Variants in KLHL12 observed in about 807,000 individuals in gnomAD.
The protein encoded by KLHL12 is kelch like family member 12.
Under a neutral mutation model 60.8 loss-of-function variants are expected in KLHL12, and 17 were observed. The ratio of observed to expected loss-of-function variants is 0.28; its 90% CI spans 0.19 to 0.42. The LOEUF (loss-of-function observed/expected upper bound fraction) is 0.42. Ranked by LOEUF, KLHL12 falls within the 10% of genes least tolerant of loss-of-function variation. The pLI is 1.00. For missense variants in KLHL12, 468 were observed against 722.3 expected, an observed-to-expected ratio of 0.65 and a Z score of 4.04; for synonymous variants, 220 against 250.9, an observed-to-expected ratio of 0.88 and a Z score of 1.16.
chr1:202,928,286 A>AAC, upstream of KLHL12, among the ~76,000 whole-genome samples: 1 of 150,716 alleles, frequency 6.6e-6, no homozygotes, highest in African/African-American at 2.4e-5. Flanking sequence ...AAAAAAAAAA[A>AAC]AAGAAAAAAG....
At chr1:202,922,864 AAG>A (rs556064563) in intron 2 of KLHL12, among the ~76,000 whole-genome samples, 2 of 151,574 alleles carry the variant, frequency 1.3e-5, no homozygotes, top group Admixed American at 6.6e-5. Context: ...GGAAAAAAAA[AAG>A]AGAGAGAGAG....
At chr1:202,900,996 A>G (rs1303660760) in intron 6 of KLHL12, among the ~76,000 whole-genome samples, 1 of 152,142 alleles carries the variant, frequency 6.6e-6, no homozygotes, top group Admixed American at 6.6e-5. Context: ...CAGTGAGCCG[A>G]GATCATGCCG....
chr1:202,928,285 A>AG (rs1214531226), upstream of KLHL12, among the ~76,000 whole-genome samples: 1 of 150,132 alleles, frequency 6.7e-6, no homozygotes, highest in African/African-American at 2.4e-5. Context: ...AAAAAAAAAA[A>AG]AAAGAAAAAA....
Position 202,892,635 on chromosome 1 carries a change from A to C in KLHL12, c.1605T>G (p.Ser535Arg). The C allele has an allele frequency of 6.2e-7, 1 of 1,614,086 alleles. No individual in the cohort carries two copies. Residue 535 changes from serine (S) to arginine (R), a missense_variant, in exon 12 of 12, where the codon AGT becomes AGG. Physicochemically the swap from Ser to Arg is moderately radical, Grantham distance 110 (BLOSUM62 -1). This residue lies in a region of KLHL12 where 68 missense variants were observed against 119.8 expected (regional missense o/e 0.57). Coordinates refer to ENST00000367261, the MANE Select transcript of KLHL12 (RefSeq NM_021633.4). ...IAGYDGNSLL[S>R]SIECYDPIID... is the part of the protein sequence containing the mutation. ...TGATAGGGTCATAACATTCAATGCT[A>C]CTTAGCAGGGAATTACCATCATATC...
intron 2 of KLHL12, among the ~76,000 whole-genome samples, chr1:202,923,356 TGG>T (rs1460803606): frequency 6.6e-6 from 1 of 152,204 alleles, no homozygotes; most frequent in Non-Finnish European, 1.5e-5. Flanking sequence ...CTGATGATCT[TGG>T]GTATATCTCA....
At position 202,891,910 on chromosome 1, in the gene KLHL12, C is replaced by T. The variant is rs544246790; in HGVS notation, c.*623G>A. On this transcript the variant is annotated 3_prime_UTR_variant, in exon 12 of 12. Coordinates refer to ENST00000367261, the MANE Select transcript of KLHL12 (RefSeq NM_021633.4). Reference sequence around the variant, plus strand: ...TCACAATCAAATTCAGTTTAATTCACTTAATTCTAACTTCAATTCTGATAT... The same window carrying T: ...TCACAATCAAATTCAGTTTAATTCATTTAATTCTAACTTCAATTCTGATAT... The T allele has an allele frequency of 2.6e-5, 4 of 152,276 alleles. No individual in the cohort carries two copies. The highest frequency in any genetic ancestry group is 6.5e-5 in the Admixed American group (1 of 15,280). 9.4% of individuals were successfully genotyped at this position (152,276 alleles called of 1,614,324 possible).
chr1:202,925,377 G>T (rs534480488), intron 1 of KLHL12, among the ~76,000 whole-genome samples, 170 bp from the exon 2 acceptor site: 170 of 152,310 alleles, frequency 1.1e-3, no homozygotes, highest in Non-Finnish European at 2.2e-3. Flanking sequence ...CCACTATCTA[G>T]TCCATGTAAA....
chr1:202,905,968 C>CTTTTTTTTTT (rs71142574), intron 6 of KLHL12, among the ~76,000 whole-genome samples: 2,323 of 51,658 alleles, frequency 0.045, no homozygotes, highest in East Asian at 0.057. Flanking sequence ...CCACACCTGG[C>CTTTTTTTTTT]TTTTTTTTTT....
intron 6 of KLHL12, among the ~76,000 whole-genome samples, chr1:202,903,460 GTTT>G (rs11404714): frequency 7.5e-6 from 1 of 132,468 alleles, no homozygotes; most frequent in Non-Finnish European, 1.6e-5. Context: ...ATGCATTCTT[GTTT>G]TTTTTTTCTT....
At position 202,926,434 on chromosome 1, in the gene KLHL12, T is replaced by C. The variant is rs1321771065; in HGVS notation, c.-46+655A>G. Among the ~76,000 whole-genome samples the C allele has an allele frequency of 2.0e-5, 3 of 152,180 alleles. No homozygotes were observed. The East Asian group carries it at 5.8e-4, about 29-fold the overall frequency. ...AGTTGGCATTTTACTCTATAAGCAC[T>C]ATAGATAATTCCTCCAACAACTCTG... On this transcript the variant is annotated intron_variant, in intron 1 of 11. Coordinates refer to ENST00000367261, the MANE Select transcript of KLHL12 (RefSeq NM_021633.4).
At chr1:202,916,510 G>C (rs1660526070) in intron 4 of KLHL12, among the ~76,000 whole-genome samples, 1 of 150,384 alleles carries the variant, frequency 6.6e-6, no homozygotes, top group African/African-American at 2.5e-5. Flanking sequence ...CTGGTGTAGT[G>C]GTGGGCGCCT....
At chr1:202,912,789 G>A (rs1660405188) in intron 4 of KLHL12, 1 of 1,022,848 alleles carries the variant, frequency 9.8e-7, no homozygotes, top group Non-Finnish European at 1.5e-6. Flanking sequence ...GAAGCTACAG[G>A]TTACAACAGA....
At chr1:202,926,072 T>C (rs1188821916) in intron 1 of KLHL12, among the ~76,000 whole-genome samples, 1 of 134,478 alleles carries the variant, frequency 7.4e-6, no homozygotes, top group African/African-American at 2.9e-5. Context: ...ACCACTGCAC[T>C]CCAGCCTGGG....
intron 6 of KLHL12, among the ~76,000 whole-genome samples, chr1:202,899,866 A>G (rs557753328): frequency 2.0e-4 from 31 of 151,954 alleles, no homozygotes; most frequent in Admixed American, 1.0e-3. Flanking sequence ...AAAAAATCAA[A>G]GCATAAGAAT....
chr1:202,918,137 T>C, intron 4 of KLHL12, 34 bp downstream of exon 4: 2 of 1,522,704 alleles, frequency 1.3e-6, no homozygotes, highest in Non-Finnish European at 1.8e-6. Flanking sequence ...TTGCCCAATC[T>C]TGAAGAAACC....
chr1:202,903,658 T>C (rs1258277887), intron 6 of KLHL12, among the ~76,000 whole-genome samples: 4 of 79,196 alleles, frequency 5.1e-5, no homozygotes, highest in Admixed American at 3.6e-4. Context: ...CGTCTTGCTC[T>C]GTGGCCCAGG....
intron 6 of KLHL12, among the ~76,000 whole-genome samples, chr1:202,902,345 G>A (rs984352877): frequency 4.0e-5 from 6 of 151,618 alleles, no homozygotes; most frequent in Non-Finnish European, 8.8e-5. Flanking sequence ...CAGGAGAATC[G>A]CTTGAACTTG....
At chr1:202,894,841 T>A in intron 8 of KLHL12, 92 bp from the exon 9 acceptor site, 1 of 1,028,234 alleles carries the variant, frequency 9.7e-7, no homozygotes, top group Non-Finnish European at 1.5e-6. Context: ...CCTTTAAAAG[T>A]CTGAGAGCAA....
chr1:202,897,228 C>CTTTTTTTTTTTTTT (rs11305071), intron 6 of KLHL12, among the ~76,000 whole-genome samples: 1 of 82,262 alleles, frequency 1.2e-5, no homozygotes, highest in Non-Finnish European at 2.3e-5. Context: ...ATTTCTTTTT[C>CTTTTTTTTTTTTTT]TTTTTTTTTT....
Sources: gnomAD v4.1 joint callset for allele counts (sites outside exome capture counted in the v4.1 genomes callset) on GRCh38, gnomAD v4.1.1 for gene constraint, gnomAD v4.1.1 regional missense constraint, MANE v1.5 for transcripts, NCBI Gene and HGNC (gene_info 2026-07-23, HGNC 2026-07-21) for gene names.